Variants in PIN4 observed in about 807,000 individuals in gnomAD.
The protein encoded by PIN4 is peptidyl-prolyl cis-trans isomerase NIMA-interacting 4.
A neutral mutation model predicts 8.3 loss-of-function variants in PIN4; 3 were observed. The ratio of observed to expected loss-of-function variants is 0.36; its 90% CI spans 0.16 to 0.93. The LOEUF (loss-of-function observed/expected upper bound fraction) is 0.93. Ranked by LOEUF, PIN4 falls within the 40% of genes least tolerant of loss-of-function variation. The pLI, the probability that PIN4 is intolerant of heterozygous loss-of-function variation, is 0.44. For synonymous variants in PIN4, 18 were observed against 32.5 expected, an observed-to-expected ratio of 0.55 and a Z score of 1.52; for missense variants, 75 against 100.6, an observed-to-expected ratio of 0.75 and a Z score of 1.09.
rs1230861183 is a variant in PIN4, at chrX:72,207,432, G to A, written c.312+10528G>A. The A allele has an allele frequency of 2.5e-6, 3 of 1,210,796 alleles. No homozygotes were observed. In the South Asian group the frequency reaches 5.3e-5, roughly 21 times the overall value. Reference sequence around the variant, plus strand: ...TGTCATCAGTTACTTGATCAATATGGTCCACATCTGGGGAATCTTCCCCCT... The same window carrying A: ...TGTCATCAGTTACTTGATCAATATGATCCACATCTGGGGAATCTTCCCCCT... On this transcript the variant is annotated intron_variant, in intron 3 of 3. Coordinates refer to the PIN4 transcript ENST00000423432.
At chrX:72,259,927 C>T (rs572292744) in intron 3 of PIN4, among the ~76,000 whole-genome samples, 3 of 105,148 alleles carry the variant, frequency 2.9e-5, no homozygotes, top group Non-Finnish European at 5.8e-5. Flanking sequence ...TTAGTATAGA[C>T]GGGGTTTCAC....
chrX:72,213,069 A>C (rs1312343877), intron 3 of PIN4, among the ~76,000 whole-genome samples: 1 of 112,563 alleles, frequency 8.9e-6, no homozygotes, highest in Non-Finnish European at 1.9e-5. Context: ...GCCACCAGCC[A>C]CTAGGCCCAT....
At chrX:72,249,055 C>T (rs759437910) in intron 3 of PIN4, among the ~76,000 whole-genome samples, 24 of 110,918 alleles carry the variant, frequency 2.2e-4, no homozygotes, top group South Asian at 3.8e-4. Context: ...ATTATGTTTG[C>T]GATATATTTA....
chrX:72,185,152 A>AAAAAAAAAAC (rs2042694442), intron 1 of PIN4, among the ~76,000 whole-genome samples: 1 of 102,851 alleles, frequency 9.7e-6, no homozygotes, highest in Non-Finnish European at 2.0e-5. Context: ...CGTCTCAAAA[A>AAAAAAAAAAC]AAAAAAAAAA....
chrX:72,217,405 A>G (rs1391750047), intron 3 of PIN4, among the ~76,000 whole-genome samples: 1 of 111,863 alleles, frequency 8.9e-6, no homozygotes, highest in Non-Finnish European at 1.9e-5. Flanking sequence ...AGGAATCCAA[A>G]GCCAATAACC....
upstream of PIN4, chrX:72,181,713 G>T (rs775386803): frequency 9.5e-7 from 1 of 1,054,315 alleles, no homozygotes; most frequent in South Asian, 1.8e-5. Context: ...TTTAGGACAT[G>T]CCCATGGCGG....
intron 3 of PIN4, among the ~76,000 whole-genome samples, chrX:72,258,116 G>A (rs2043120669): frequency 9.0e-6 from 1 of 110,958 alleles, no homozygotes; most frequent in Admixed American, 9.6e-5. Flanking sequence ...GCTGCAGGAG[G>A]ACAGGGTGTG....
chrX:72,207,936 C>T, intron 3 of PIN4: 1 of 1,211,552 alleles, frequency 8.3e-7, no homozygotes, highest in Non-Finnish European at 1.1e-6. Flanking sequence ...CCAGCAGGGA[C>T]CCTTGACAAG....
intron 3 of PIN4, among the ~76,000 whole-genome samples, chrX:72,221,432 C>T (rs1352241854): frequency 4.5e-5 from 5 of 110,950 alleles, no homozygotes; most frequent in South Asian, 7.7e-4. Context: ...AGAAAGAGGA[C>T]GCCGGGTCTC....
At chrX:72,202,271 C>CTGTT (rs1415091785), downstream of PIN4, among the ~76,000 whole-genome samples, 1 of 112,688 alleles carries the variant, frequency 8.9e-6, no homozygotes, top group African/African-American at 3.2e-5. Flanking sequence ...GCCATGGATA[C>CTGTT]TGTTTGAATA....
chrX:72,241,126 C>T (rs2043047554), intron 3 of PIN4, among the ~76,000 whole-genome samples: 2 of 111,284 alleles, frequency 1.8e-5, no homozygotes, highest in Non-Finnish European at 1.9e-5. Flanking sequence ...AACTTGTTTA[C>T]TCTGCTAAAG....
In PIN4 at chrX:72,197,925, AT is replaced by A. The variant is rs2042775012; in HGVS notation, c.*400del. 1.3e-6 allele frequency: 1 copy of A among 753,589 alleles called. No individual in the cohort carries two copies. Among genetic ancestry groups the A allele is most frequent in the South Asian group, 6.6e-5 (1 of 15,131 alleles). The allele number at this position is 753,589 out of a possible 1,213,427, so 62.1% of individuals were successfully genotyped here. A position where few individuals can be genotyped will look rare whatever the true frequency, so the allele number is the denominator to read the frequency against. ...GCATCAAATAGATTAGTGTGTGAGA[AT>A]CATAAAATAAGTTCCTAGACAACAT... is the stretch of plus-strand genomic sequence containing the variant. On this transcript the variant is annotated 3_prime_UTR_variant, in exon 4 of 4. Coordinates refer to ENST00000373669, the MANE Select transcript of PIN4 (RefSeq NM_006223.4).
intron 3 of PIN4, among the ~76,000 whole-genome samples, chrX:72,242,662 T>C (rs1301505995): frequency 8.9e-6 from 1 of 112,732 alleles, no homozygotes; most frequent in Non-Finnish European, 1.9e-5. Flanking sequence ...TTCCTCATTA[T>C]GCATCTACCC....
intron 3 of PIN4, chrX:72,237,729 A>T (rs2147608283): frequency 9.0e-6 from 1 of 111,470 alleles, no homozygotes; most frequent in African/African-American, 3.3e-5. Context: ...AGATCGCGCC[A>T]CTGCACTCCA....
At chrX:72,189,850 C>G (rs1406466545) in intron 2 of PIN4, among the ~76,000 whole-genome samples, 1 of 111,372 alleles carries the variant, frequency 9.0e-6, no homozygotes, top group Non-Finnish European at 1.9e-5. Context: ...TGGGTTGTTT[C>G]AAGTGTTTTT....
chrX:72,249,608 T>A (rs2043079254), intron 3 of PIN4, among the ~76,000 whole-genome samples: 3 of 111,747 alleles, frequency 2.7e-5, no homozygotes, highest in Non-Finnish European at 5.6e-5. Flanking sequence ...AATGAACTAC[T>A]GATCCTCAGG....
At chrX:72,195,489 A>G (rs1015244736) in intron 2 of PIN4, among the ~76,000 whole-genome samples, 15 of 110,699 alleles carry the variant, frequency 1.4e-4, no homozygotes, top group Non-Finnish European at 2.3e-4. Context: ...AAAAATACAA[A>G]AAGTTAGCTG....
At chrX:72,196,283 C>T (rs765905125) in intron 2 of PIN4, among the ~76,000 whole-genome samples, 98 of 110,881 alleles carry the variant, frequency 8.8e-4, no homozygotes, top group African/African-American at 3.2e-3. Flanking sequence ...CGCCTGTAAT[C>T]CCAGCACTTT....
intron 3 of PIN4, among the ~76,000 whole-genome samples, chrX:72,243,652 A>G (rs1731744310): frequency 8.9e-6 from 1 of 112,342 alleles, no homozygotes; most frequent in African/African-American, 3.2e-5. Context: ...TTCAAATTAC[A>G]CTGAGTCATC....
Sources: allele counts gnomAD v4.1 joint callset (sites outside exome capture counted in the v4.1 genomes callset), GRCh38; gene constraint gnomAD v4.1.1; transcripts MANE v1.5; gene names NCBI Gene and HGNC (gene_info 2026-07-23, HGNC 2026-07-21).